The following ATP2B2 variants were observed in gnomAD, a reference collection of about 807,000 sequenced individuals.
ATP2B2 encodes the protein plasma membrane calcium-transporting ATPase 2.
Under a neutral mutation model 120.0 loss-of-function variants are expected in ATP2B2, and 15 were observed. The ratio of observed to expected loss-of-function variants is 0.12; its 90% CI spans 0.08 to 0.19. The LOEUF (loss-of-function observed/expected upper bound fraction) is 0.19. ATP2B2 is among the 10% of genes least tolerant of loss of function. The pLI, the probability that ATP2B2 is intolerant of heterozygous loss-of-function variation, is 1.00. For missense variants in ATP2B2, 1,045 were observed against 1,719.8 expected, an observed-to-expected ratio of 0.61 and a Z score of 6.94; for synonymous variants, 694 against 700.3, an observed-to-expected ratio of 0.99 and a Z score of 0.14.
chr3:10,668,961 A>G (rs910170393), intron 1 of ATP2B2, among the ~76,000 whole-genome samples: 9 of 152,178 alleles, frequency 5.9e-5, no homozygotes, highest in African/African-American at 2.2e-4. Context: ...CTCCTTACAG[A>G]TGGAGAGGTT....
At chr3:10,483,436 G>T (rs553558490) in intron 1 of ATP2B2, among the ~76,000 whole-genome samples, 127 of 152,328 alleles carry the variant, frequency 8.3e-4, no homozygotes, top group African/African-American at 3.0e-3. Context: ...CAAGGCCCTG[G>T]CCTGGTCTGT....
At chr3:10,589,331 T>C (rs1204063796) in intron 2 of ATP2B2, among the ~76,000 whole-genome samples, 1 of 152,132 alleles carries the variant, frequency 6.6e-6, no homozygotes, top group African/African-American at 2.4e-5. Flanking sequence ...TAAACTTTTG[T>C]TGAGTGTTTC....
chr3:10,702,816 G>T (rs2596850), intron 1 of ATP2B2, among the ~76,000 whole-genome samples: 229 of 152,192 alleles, frequency 1.5e-3, no homozygotes, highest in Middle Eastern at 0.014. Context: ...AAAACAGGGA[G>T]GCATTTTCTG....
intron 1 of ATP2B2, among the ~76,000 whole-genome samples, chr3:10,662,411 C>T (rs1254716545): frequency 1.4e-5 from 2 of 143,294 alleles, no homozygotes; most frequent in African/African-American, 5.8e-5. Flanking sequence ...AACAAACAAC[C>T]CCATCAAAAA....
intron 1 of ATP2B2, among the ~76,000 whole-genome samples, chr3:10,700,620 G>T (rs1372354549): frequency 6.6e-6 from 1 of 152,178 alleles, no homozygotes; most frequent in African/African-American, 2.4e-5. Flanking sequence ...CATTCTTGAA[G>T]GAATGAAAAG....
At chr3:10,413,105 T>C (rs1026277756) in intron 2 of ATP2B2, among the ~76,000 whole-genome samples, 1 of 152,194 alleles carries the variant, frequency 6.6e-6, no homozygotes, top group Non-Finnish European at 1.5e-5. Context: ...CATTCATTCA[T>C]TCAGTTTGCA....
At chr3:10,661,793 T>C (rs2125680162) in intron 1 of ATP2B2, among the ~76,000 whole-genome samples, 1 of 152,262 alleles carries the variant, frequency 6.6e-6, no homozygotes, top group East Asian at 1.9e-4. Flanking sequence ...CTTTGCCAAG[T>C]CAATCCTAAG....
At chr3:10,407,240 T>C (rs980151565) in intron 3 of ATP2B2, among the ~76,000 whole-genome samples, 1 of 152,160 alleles carries the variant, frequency 6.6e-6, no homozygotes, top group Non-Finnish European at 1.5e-5. Context: ...GGGCTGAGGA[T>C]GTCCATTCCA....
At chr3:10,463,507 G>T (rs1035102959) in intron 1 of ATP2B2, among the ~76,000 whole-genome samples, 1 of 152,238 alleles carries the variant, frequency 6.6e-6, no homozygotes, top group African/African-American at 2.4e-5. Flanking sequence ...ATGAACCCCA[G>T]GAAGGAGCTT....
chr3:10,404,902 T>C (rs573259045), intron 3 of ATP2B2, among the ~76,000 whole-genome samples: 2 of 152,306 alleles, frequency 1.3e-5, no homozygotes, highest in East Asian at 1.9e-4. Flanking sequence ...TGTTATCCCC[T>C]GCCCCTTGCT....
chr3:10,345,655 C>A, intron 17 of ATP2B2, 80 bp from the exon 18 acceptor site: 1 of 1,378,218 alleles, frequency 7.3e-7, no homozygotes, highest in East Asian at 2.3e-5. Context: ...TCACTCCCTC[C>A]ACTTCCTCAG....
At chr3:10,359,769 G>T (rs558449665) in intron 13 of ATP2B2, 113 bp downstream of exon 13, 1 of 1,498,244 alleles carries the variant, frequency 6.7e-7, no homozygotes, top group East Asian at 2.3e-5. Flanking sequence ...CACTCCAGCC[G>T]GGCAGGCTGC....
chr3:10,654,909 C>A (rs560267995), intron 1 of ATP2B2, among the ~76,000 whole-genome samples: 66 of 152,214 alleles, frequency 4.3e-4, no homozygotes, highest in African/African-American at 1.4e-3. Flanking sequence ...TAGAGAAATA[C>A]TATCGCAGTG....
At chr3:10,551,420 G>A (rs371425306) in intron 2 of ATP2B2, among the ~76,000 whole-genome samples, 1 of 152,200 alleles carries the variant, frequency 6.6e-6, no homozygotes, top group Non-Finnish European at 1.5e-5. Context: ...TCTCAGATGC[G>A]GATCTGTGAT....
At position 10,635,353 on chromosome 3, in the gene ATP2B2, C is replaced by T. The variant is rs2069993155; in HGVS notation, c.-459-15392G>A. Among the ~76,000 whole-genome samples, 1 of 152,114 alleles carries T rather than the reference C, an allele frequency of 6.6e-6. No individual in the cohort carries two copies. The highest frequency in any genetic ancestry group is 2.4e-5 in the African/African-American group (1 of 41,408). Reference sequence around the variant, plus strand: ...AGAGTTCCAGTGGTTAGGAATGTTGCACCCCAAGTAATCAGAAAACAGCTC... The same window carrying T: ...AGAGTTCCAGTGGTTAGGAATGTTGTACCCCAAGTAATCAGAAAACAGCTC... On this transcript the variant is annotated intron_variant, in intron 1 of 21. Coordinates refer to the ATP2B2 transcript ENST00000646379. This position sits in a 1 kb window ranked among gnomAD's most constrained non-coding sequence, Gnocchi z 4.3.
chr3:10,341,742 A>AC (rs752529498), intron 19 of ATP2B2, among the ~76,000 whole-genome samples: 2 of 151,580 alleles, frequency 1.3e-5, no homozygotes, highest in South Asian at 2.1e-4. Flanking sequence ...GCCGACCAGG[A>AC]CCCCCGCTCT....
At chr3:10,336,020 G>A (rs753308426) in intron 22 of ATP2B2, 69 of 1,325,628 alleles carry the variant, frequency 5.2e-5, no homozygotes, top group Non-Finnish European at 7.0e-5. Context: ...CATCCCCCTG[G>A]GCCTGATTGT....
intron 2 of ATP2B2, among the ~76,000 whole-genome samples, chr3:10,607,162 T>G (rs906689033): frequency 2.0e-5 from 3 of 152,192 alleles, no homozygotes; most frequent in African/African-American, 7.2e-5. Flanking sequence ...AGGAAGCTGG[T>G]TGACCACGTA....
intron 2 of ATP2B2, among the ~76,000 whole-genome samples, chr3:10,443,174 G>A (rs1011080157): frequency 4.6e-5 from 7 of 152,118 alleles, no homozygotes; most frequent in Non-Finnish European, 1.0e-4. Context: ...TCTCTCCTCA[G>A]CTGTCTCCTC....
Sources: allele counts gnomAD v4.1 joint callset (sites outside exome capture counted in the v4.1 genomes callset), GRCh38; gene constraint gnomAD v4.1.1; non-coding constraint Gnocchi (gnomAD v3.1); transcripts MANE v1.5; gene names NCBI Gene and HGNC (gene_info 2026-07-23, HGNC 2026-07-21).